The following THSD4 variants were observed in gnomAD, a reference collection of about 807,000 sequenced individuals.
The protein encoded by THSD4 is thrombospondin type 1 domain containing 4, also known as thrombospondin type-1 domain-containing protein 4.
THSD4 carries 69 observed loss-of-function variants against 119.0 expected under a neutral mutation model. The observed-to-expected ratio is 0.58, with a 90% CI of 0.48 to 0.71. The LOEUF is 0.71. Ranked by LOEUF, THSD4 falls within the 30% of genes least tolerant of loss-of-function variation. THSD4 has a pLI of 0.00. For missense variants in THSD4, 1,393 were observed against 1,391.1 expected (o/e 1.00, Z -0.02); for synonymous variants, 524 against 540.4 (o/e 0.97, Z 0.42).
intron 6 of THSD4, among the ~76,000 whole-genome samples, chr15:71,356,544 T>A (rs1004017598): frequency 6.6e-6 from 1 of 151,516 alleles, no homozygotes; most frequent in African/African-American, 2.4e-5. Flanking sequence ...ATTTGTTGAA[T>A]GAGTGAAGAG....
At chr15:71,477,562 G>T (rs905407907) in intron 7 of THSD4, among the ~76,000 whole-genome samples, 1 of 152,198 alleles carries the variant, frequency 6.6e-6, no homozygotes, top group African/African-American at 2.4e-5. Context: ...TATGGAAAAA[G>T]AAATAAAAGC....
chr15:71,374,649 T>C (rs1428357172), intron 6 of THSD4, among the ~76,000 whole-genome samples: 4 of 152,176 alleles, frequency 2.6e-5, no homozygotes, highest in Admixed American at 1.3e-4. Context: ...ATCTTGAGGG[T>C]GAGCAATGGC....
At chr15:71,535,738 G>A (rs935945035) in intron 7 of THSD4, among the ~76,000 whole-genome samples, 3 of 152,026 alleles carry the variant, frequency 2.0e-5, no homozygotes, top group African/African-American at 7.2e-5. Context: ...GTTTTTTCCT[G>A]GAGAAATGTC....
At chr15:71,626,672 A>G (rs897886310) in intron 7 of THSD4, among the ~76,000 whole-genome samples, 8 of 152,240 alleles carry the variant, frequency 5.3e-5, no homozygotes, top group African/African-American at 1.9e-4. Context: ...ATTTTGTACT[A>G]TCCTTACCTT....
At chr15:71,531,151 A>G (rs2048604203) in intron 7 of THSD4, among the ~76,000 whole-genome samples, 1 of 152,134 alleles carries the variant, frequency 6.6e-6, no homozygotes, top group South Asian at 2.1e-4. Flanking sequence ...AGAGGGTCAT[A>G]AGGAAGGGGC....
chr15:71,666,597 T>C (rs1469565016), intron 8 of THSD4, among the ~76,000 whole-genome samples: 1 of 152,190 alleles, frequency 6.6e-6, no homozygotes. Context: ...AATACTTTGC[T>C]TATTCCAAAA....
At chr15:71,735,907 T>A (rs918561700) in intron 10 of THSD4, among the ~76,000 whole-genome samples, 15 of 150,450 alleles carry the variant, frequency 1.0e-4, no homozygotes, top group African/African-American at 3.7e-4. Flanking sequence ...TCTGTCTCTC[T>A]TGCTCTCTGT....
At chr15:71,578,912 C>T (rs1025616091) in intron 7 of THSD4, among the ~76,000 whole-genome samples, 3 of 145,664 alleles carry the variant, frequency 2.1e-5, no homozygotes, top group Non-Finnish European at 3.0e-5. Flanking sequence ...GGCACAATCT[C>T]GGCTCACTGC....
chr15:71,631,855 G>A (rs1361350908), intron 7 of THSD4, among the ~76,000 whole-genome samples: 2 of 152,184 alleles, frequency 1.3e-5, no homozygotes, highest in Admixed American at 1.3e-4. Flanking sequence ...CTGGGTTTCG[G>A]TTCAGGGAAC....
intron 4 of THSD4, among the ~76,000 whole-genome samples, chr15:71,231,751 C>T (rs933397475): frequency 6.6e-6 from 1 of 152,280 alleles, no homozygotes; most frequent in East Asian, 1.9e-4. Context: ...GCACAGTAGG[C>T]GACCAGGGAA....
chr15:71,100,720 C>G (rs1472602398), intron 1 of THSD4, among the ~76,000 whole-genome samples: 1 of 152,144 alleles, frequency 6.6e-6, no homozygotes, highest in Non-Finnish European at 1.5e-5. Context: ...TGGCTCATGA[C>G]TGTAATTCCA....
chr15:71,549,345 AGTGTGTGCAT>A (rs985425916), intron 7 of THSD4, among the ~76,000 whole-genome samples: 5 of 151,262 alleles, frequency 3.3e-5, no homozygotes, highest in African/African-American at 7.3e-5. Context: ...TCTTTCCCCT[AGTGTGTGCAT>A]GTGTGTGCAT....
intron 7 of THSD4, among the ~76,000 whole-genome samples, chr15:71,558,301 C>T (rs1327960634): frequency 6.6e-6 from 1 of 152,114 alleles, no homozygotes; most frequent in Non-Finnish European, 1.5e-5. Context: ...GCACTCCAGC[C>T]TGGGTGACAG....
At chr15:71,495,885 G>T (rs2048008610) in intron 7 of THSD4, among the ~76,000 whole-genome samples, 1 of 152,210 alleles carries the variant, frequency 6.6e-6, no homozygotes, top group Admixed American at 6.5e-5. Flanking sequence ...GCCCATGGTA[G>T]AGTCACTAGA....
intron 5 of THSD4, among the ~76,000 whole-genome samples, chr15:71,249,317 C>CATAT (rs1276072673): frequency 6.6e-6 from 1 of 151,132 alleles, no homozygotes; most frequent in African/African-American, 2.4e-5. Flanking sequence ...TTATTGACTT[C>CATAT]ATATATGTAT....
chr15:71,242,589 T>G, intron 4 of THSD4, 60 bp from the exon 5 acceptor site: 1 of 1,554,092 alleles, frequency 6.4e-7, no homozygotes, highest in Middle Eastern at 1.7e-4. Context: ...CCAGAGCTTC[T>G]GAGTTAACAT....
At chr15:71,776,556 C>G (rs1165631972) in intron 17 of THSD4, among the ~76,000 whole-genome samples, 3 of 152,254 alleles carry the variant, frequency 2.0e-5, no homozygotes, top group East Asian at 3.9e-4. Context: ...GTTTCACTGA[C>G]AGGAACATAA....
At chr15:71,240,802 C>T (rs1596286090) in intron 4 of THSD4, among the ~76,000 whole-genome samples, 1 of 27,502 alleles carries the variant, frequency 3.6e-5, no homozygotes, top group Non-Finnish European at 6.7e-5. Context: ...TGTGTATACA[C>T]ACACACACAC....
At chr15:71,575,128 TCAGCA>T (rs1347010702) in intron 7 of THSD4, among the ~76,000 whole-genome samples, 3 of 152,332 alleles carry the variant, frequency 2.0e-5, no homozygotes, top group African/African-American at 7.2e-5. Flanking sequence ...CTCTCTTGTC[TCAGCA>T]CTAGGCAAAC....
Sources: allele counts gnomAD v4.1 joint callset (sites outside exome capture counted in the v4.1 genomes callset), GRCh38; gene constraint gnomAD v4.1.1; transcripts MANE v1.5; gene names NCBI Gene and HGNC (gene_info 2026-07-23, HGNC 2026-07-21).